DIRAS2: variants seen among roughly 807,000 people sequenced by gnomAD.
DIRAS2 encodes GTP-binding protein Di-Ras2.
Under a neutral mutation model 13.9 loss-of-function variants are expected in DIRAS2, and 5 were observed. The ratio of observed to expected loss-of-function variants is 0.36; its 90% confidence interval spans 0.19 to 0.76. The LOEUF is 0.76. Ranked by LOEUF, DIRAS2 falls within the 30% of genes least tolerant of loss-of-function variation. The pLI, the probability that DIRAS2 is intolerant of heterozygous loss-of-function variation, is 0.53. For synonymous variants in DIRAS2, 111 were observed against 105.4 expected (o/e 1.05, Z -0.33); for missense variants, 191 against 263.0 (o/e 0.73, Z 1.89).
chr9:90,623,907 A>G (rs928224844), intron 1 of DIRAS2, among the ~76,000 whole-genome samples: 7 of 152,202 alleles, frequency 4.6e-5, no homozygotes, highest in African/African-American at 7.2e-5. Context: ...AAAATTATAG[A>G]TTGGAAGAAT....
intron 1 of DIRAS2, among the ~76,000 whole-genome samples, chr9:90,620,567 C>A (rs1258428857): frequency 2.0e-5 from 3 of 152,034 alleles, no homozygotes; most frequent in Non-Finnish European, 4.4e-5. Context: ...GAACAGCCTG[C>A]ACAACATGGT....
intron 1 of DIRAS2, among the ~76,000 whole-genome samples, chr9:90,627,975 C>A (rs928434594): frequency 1.3e-5 from 2 of 151,782 alleles, no homozygotes; most frequent in Non-Finnish European, 2.9e-5. Context: ...ACGTGTATAC[C>A]TATGTAGCAA....
chr9:90,632,113 G>C lies in DIRAS2; in HGVS notation c.-37+10639C>G, dbSNP rs117799176. ...ACCTGCATGACTGCAGCAGCCTGCT[G>C]GGTGATCAGTTTGCCTCAGGCTCTG... On this transcript the variant is annotated intron_variant, in intron 1 of 1. Coordinates refer to ENST00000375765, the MANE Select transcript of DIRAS2 (RefSeq NM_017594.5). Among the ~76,000 whole-genome samples, 1,035 of 152,286 alleles carry C rather than the reference G, an allele frequency of 6.8e-3. 14 individuals carry two copies. Among genetic ancestry groups the C allele is most frequent in the Middle Eastern group, 0.014 (4 of 294 alleles).
intron 1 of DIRAS2, among the ~76,000 whole-genome samples, chr9:90,622,357 G>A (rs1825227688): frequency 6.6e-6 from 1 of 152,144 alleles, no homozygotes; most frequent in Admixed American, 6.5e-5. Flanking sequence ...GGAGTAGGTA[G>A]TAGGACTGGA....
chr9:90,610,070 A>G lies in DIRAS2; in HGVS notation c.*3158T>C. 1 of 206,294 alleles carries G rather than the reference A, an allele frequency of 4.8e-6. No individual in the cohort carries two copies. The highest frequency in any genetic ancestry group is 9.6e-6 in the Non-Finnish European group (1 of 104,192). The allele number at this position is 206,294 out of a possible 1,614,324, so 12.8% of individuals were successfully genotyped here. On this transcript the variant is annotated 3_prime_UTR_variant, in exon 2 of 2. Coordinates refer to ENST00000375765, the MANE Select transcript of DIRAS2 (RefSeq NM_017594.5). ...ATACACACTGTCCTTGTGGGGTATG[A>G]ATTCCAGGATGTGTCTTCAAGGATT...
chr9:90,625,193 C>A (rs1205807547), intron 1 of DIRAS2, among the ~76,000 whole-genome samples: 1 of 152,154 alleles, frequency 6.6e-6, no homozygotes, highest in East Asian at 1.9e-4. Flanking sequence ...GTTATGAGGG[C>A]TTGATGCACT....
chr9:90,622,621 G>C (rs1825230288), intron 1 of DIRAS2, among the ~76,000 whole-genome samples: 1 of 152,156 alleles, frequency 6.6e-6, no homozygotes. Context: ...ATAGAGTCCT[G>C]AATGCAGCCC....
In DIRAS2 at chr9:90,613,168, G is replaced by A. The variant is rs1049605071; in HGVS notation, c.*60C>T. The stretch of plus-strand genomic sequence containing the variant: ...ACATGCTACCCTGACGACGGTGGGT[G>A]TCATTTTGGGGGAGTGAGGTGCCGG... On this transcript the variant is annotated 3_prime_UTR_variant, in exon 2 of 2. Coordinates refer to ENST00000375765, the MANE Select transcript of DIRAS2 (RefSeq NM_017594.5). This position sits in a 1 kb window ranked among gnomAD's most constrained non-coding sequence, Gnocchi z 5.6. 2.6e-6 allele frequency: 4 copies of A among 1,564,424 alleles called. No individual in the cohort carries two copies. The highest frequency in any genetic ancestry group is 2.7e-5 in the African/African-American group (2 of 73,440).
In DIRAS2 at chr9:90,612,473, A is replaced by G. The variant is rs1285315795; in HGVS notation, c.*755T>C. ...CTAAAACCCTCGATGTATAACACACAGGAACATTATTGCGATGTTTTAATA... is the reference window on the plus strand; with the variant it reads ...CTAAAACCCTCGATGTATAACACACGGGAACATTATTGCGATGTTTTAATA... On this transcript the variant is annotated 3_prime_UTR_variant, in exon 2 of 2. Coordinates refer to ENST00000375765, the MANE Select transcript of DIRAS2 (RefSeq NM_017594.5). 6.6e-6 allele frequency: 1 copy of G among 152,358 alleles called. No homozygotes were observed. The highest frequency in any genetic ancestry group is 1.5e-5 in the Non-Finnish European group (1 of 68,066). 9.4% of individuals were successfully genotyped at this position (152,358 alleles called of 1,614,324 possible). A position where few individuals can be genotyped will look rare whatever the true frequency, so the allele number is the denominator to read the frequency against.
intron 1 of DIRAS2, among the ~76,000 whole-genome samples, chr9:90,627,207 G>A (rs541374846): frequency 6.2e-4 from 95 of 152,258 alleles, no homozygotes; most frequent in African/African-American, 2.2e-3. Flanking sequence ...CTCCCCAGAA[G>A]CAGACACCGC....
intron 1 of DIRAS2, among the ~76,000 whole-genome samples, chr9:90,625,294 A>C (rs917807584): frequency 3.9e-5 from 6 of 152,232 alleles, no homozygotes; most frequent in Non-Finnish European, 5.9e-5. Context: ...TTAGCCACCT[A>C]AAAGTTTACA....
chr9:90,635,268 G>A (rs1390155394), intron 1 of DIRAS2, among the ~76,000 whole-genome samples: 2 of 152,214 alleles, frequency 1.3e-5, no homozygotes, highest in Admixed American at 1.3e-4. Flanking sequence ...CTTCATTAAT[G>A]TTTTAGTGCA....
In DIRAS2 at chr9:90,613,750, C is replaced by T; in HGVS notation, c.78G>A (p.Arg26=). Residue 26 remains arginine, a synonymous_variant, in exon 2 of 2, where the codon AGG becomes AGA. Transcript: ENST00000375765. This position sits in a 1 kb window ranked among gnomAD's most constrained non-coding sequence, Gnocchi z 5.6. The stretch of plus-strand genomic sequence containing the variant: ...TCTCCCGGAATGTGCCTTTCACAAA[C>T]CTCAACACCAGGGAGCTCTTGCCAA... The part of the protein sequence containing the change: ...GGVGKSSLVL[R]FVKGTFRESY... The T allele has an allele frequency of 6.2e-7, 1 of 1,614,170 alleles. No homozygotes were observed. The highest frequency in any genetic ancestry group is 8.5e-7 in the Non-Finnish European group (1 of 1,180,034).
intron 1 of DIRAS2, among the ~76,000 whole-genome samples, chr9:90,615,738 G>C (rs907074460): frequency 6.6e-6 from 1 of 152,192 alleles, no homozygotes; most frequent in Admixed American, 6.5e-5. Flanking sequence ...AAGCATGTCA[G>C]CTAGGGTCTC....
Position 90,612,246 on chromosome 9 carries a change from T to A in DIRAS2, c.*982A>T, listed in dbSNP as rs1825121502. On this transcript the variant is annotated 3_prime_UTR_variant, in exon 2 of 2. Transcript: ENST00000375765. ...TGTGGCATATACATGTTTGTGACAC[T>A]ACAAAAATGGATGTGCTTCTGGTTG... is the stretch of plus-strand genomic sequence containing the variant. The A allele has an allele frequency of 6.6e-6, 1 of 152,634 alleles. No individual in the cohort carries two copies. Among genetic ancestry groups the A allele is most frequent in the Admixed American group, 6.5e-5 (1 of 15,284 alleles). The allele number at this position is 152,634 out of a possible 1,614,324, so 9.5% of individuals were successfully genotyped here. A position where few individuals can be genotyped will look rare whatever the true frequency, so the allele number is the denominator to read the frequency against.
rs1004744570 is a variant in DIRAS2 at position 90,611,269 on chromosome 9, G to C, written c.*1959C>G. The C allele has an allele frequency of 6.6e-6, 1 of 152,182 alleles. No homozygotes were observed. The highest frequency in any genetic ancestry group is 1.5e-5 in the Non-Finnish European group (1 of 68,056). The allele number at this position is 152,182 out of a possible 1,614,324, so 9.4% of individuals were successfully genotyped here. A position where few individuals can be genotyped will look rare whatever the true frequency, so the allele number is the denominator to read the frequency against. On this transcript the variant is annotated 3_prime_UTR_variant, in exon 2 of 2. Transcript: ENST00000375765. ...AACAATCCTGCTTGAGGAATCTGAAGGGGGCCACGGGACTGGCCCAAATGC... is the reference window on the plus strand; with the variant it reads ...AACAATCCTGCTTGAGGAATCTGAACGGGGCCACGGGACTGGCCCAAATGC...
chr9:90,636,193 A>G (rs1825369437), intron 1 of DIRAS2, among the ~76,000 whole-genome samples: 1 of 151,102 alleles, frequency 6.6e-6, no homozygotes, highest in Admixed American at 6.6e-5. Context: ...GCCCGCCACC[A>G]CACCCGGCTA....
At position 90,614,353 on chromosome 9, in the gene DIRAS2, T is replaced by TGA. The variant is rs1326599703; in HGVS notation, c.-36-492_-36-491dup. The stretch of plus-strand genomic sequence containing the variant: ...GTGTGTGTGTGTGTGTGTGTGTGTG[T>TGA]GAGAAATACTGGGAGAGGGAGATGA... On this transcript the variant is annotated intron_variant, in intron 1 of 1. Transcript: ENST00000375765. 6.0e-3 allele frequency among the ~76,000 whole-genome samples: 832 copies of TGA among 138,986 alleles called. 5 individuals are homozygous for TGA. The highest frequency in any genetic ancestry group is 0.013 in the African/African-American group (471 of 36,860). 91.2% of individuals were successfully genotyped at this position (138,986 alleles called of 152,430 possible). A position where few individuals can be genotyped will look rare whatever the true frequency, so the allele number is the denominator to read the frequency against.
At chr9:90,619,547 T>C (rs535958116) in intron 1 of DIRAS2, among the ~76,000 whole-genome samples, 2 of 152,312 alleles carry the variant, frequency 1.3e-5, no homozygotes, top group Admixed American at 1.3e-4. Flanking sequence ...TAACAAATGT[T>C]GACAAGGCTG....
Sources: gnomAD v4.1 joint callset for allele counts (sites outside exome capture counted in the v4.1 genomes callset) on GRCh38, gnomAD v4.1.1 for gene constraint, Gnocchi (gnomAD v3.1) non-coding constraint, MANE v1.5 for transcripts, NCBI Gene and HGNC (gene_info 2026-07-23, HGNC 2026-07-21) for gene names.